COBL: variants seen among roughly 807,000 people sequenced by gnomAD.
COBL encodes cordon-bleu WH2 repeat protein.
Under a neutral mutation model 98.8 loss-of-function variants are expected in COBL, and 51 were observed. The observed-to-expected ratio is 0.52, with a 90% CI of 0.41 to 0.65. COBL has a LOEUF of 0.65. Among genes scored for constraint, COBL ranks in the 30% least tolerant of loss-of-function variants. COBL has a pLI of 0.00. For synonymous variants in COBL, 634 were observed against 651.7 expected (o/e 0.97, Z 0.41); for missense variants, 1,617 against 1,617.5 (o/e 1.00, Z 0.01).
At chr7:51,204,501 T>C (rs1791468007) in intron 2 of COBL, among the ~76,000 whole-genome samples, 1 of 150,696 alleles carries the variant, frequency 6.6e-6, no homozygotes, top group Non-Finnish European at 1.5e-5. Context: ...CCGTTAAAAG[T>C]AATAAACAAT....
chr7:51,285,508 T>G (rs1430790375), intron 1 of COBL, among the ~76,000 whole-genome samples: 2 of 152,166 alleles, frequency 1.3e-5, no homozygotes, highest in Non-Finnish European at 2.9e-5. Context: ...AATTAAAATT[T>G]TAAAATGCCA....
chr7:51,076,979 A>G, intron 7 of COBL, among the ~76,000 whole-genome samples: 1 of 152,236 alleles, frequency 6.6e-6, no homozygotes, highest in Non-Finnish European at 1.5e-5. Context: ...ACTTGTTAAT[A>G]ACCTAATTAT....
intron 5 of COBL, among the ~76,000 whole-genome samples, chr7:51,143,639 A>T (rs550002652): frequency 3.7e-4 from 57 of 152,334 alleles, no homozygotes; most frequent in Non-Finnish European, 7.2e-4. Context: ...CCACTACAGG[A>T]CACAGAAACA....
At chr7:51,297,806 G>A (rs1801560430) in intron 1 of COBL, among the ~76,000 whole-genome samples, 1 of 152,148 alleles carries the variant, frequency 6.6e-6, no homozygotes, top group South Asian at 2.1e-4. Flanking sequence ...GTGGGATTTG[G>A]TTATAAAAAG....
chr7:51,151,139 C>T (rs1785514866), intron 5 of COBL, among the ~76,000 whole-genome samples: 1 of 152,176 alleles, frequency 6.6e-6, no homozygotes, highest in Non-Finnish European at 1.5e-5. Context: ...ATCCTCGGCT[C>T]TTTCCCATAC....
chr7:51,065,599 C>A, intron 7 of COBL: 1 of 602,496 alleles, frequency 1.7e-6, no homozygotes, highest in Non-Finnish European at 3.0e-6. Context: ...GGGCCCAGGC[C>A]TCCAACAGGG....
chr7:51,025,062 T>G (rs775251275), intron 12 of COBL, 47 bp downstream of exon 12: 2 of 1,611,158 alleles, frequency 1.2e-6, no homozygotes, highest in Admixed American at 3.3e-5. Context: ...ACGCTGCACC[T>G]CCAACCCTCT....
chr7:51,262,406 A>G (rs1326478762), intron 1 of COBL, among the ~76,000 whole-genome samples: 1 of 152,256 alleles, frequency 6.6e-6, no homozygotes, highest in Admixed American at 6.5e-5. Flanking sequence ...TGTCAGAGTC[A>G]GAAGCTGAAG....
intron 1 of COBL, among the ~76,000 whole-genome samples, chr7:51,224,509 A>G (rs1793993718): frequency 6.6e-6 from 1 of 151,972 alleles, no homozygotes; most frequent in Non-Finnish European, 1.5e-5. Context: ...CAGAAATTTC[A>G]TATATGAGAA....
chr7:51,287,419 A>G (rs1800473013), intron 1 of COBL, among the ~76,000 whole-genome samples: 1 of 152,228 alleles, frequency 6.6e-6, no homozygotes, highest in African/African-American at 2.4e-5. Flanking sequence ...AATGCAAGTT[A>G]AAACCATGAT....
intron 5 of COBL, among the ~76,000 whole-genome samples, chr7:51,137,031 T>C (rs1799299765): frequency 6.6e-6 from 1 of 152,204 alleles, no homozygotes; most frequent in African/African-American, 2.4e-5. Flanking sequence ...GTCTGCTTAA[T>C]AGAATCATGT....
rs781522607 is a variant in COBL at position 51,030,884 on chromosome 7, T to C, written c.1432A>G (p.Asn478Asp). The C allele has an allele frequency of 1.2e-6, 2 of 1,612,906 alleles. No homozygotes were observed. Among genetic ancestry groups the C allele is most frequent in the African/African-American group, 1.3e-5 (1 of 74,978 alleles). Reference sequence around the variant, plus strand: ...GCAATTAATAGGTCTTCTTCATCATTTGAGGCTGTGACAGCTTTTTCAGTT... The same window carrying C: ...GCAATTAATAGGTCTTCTTCATCATCTGAGGCTGTGACAGCTTTTTCAGTT... ...LRTEKAVTAS[N>D]DEEDLLIAGE... Residue 478 changes from asparagine to aspartate, a missense_variant, in exon 9 of 13, where the codon AAT (asparagine) becomes GAT (aspartate). By Grantham distance (23) the Asn-to-Asp change is conservative (BLOSUM62 1). This residue lies in a region of COBL where 1,304 missense variants were observed against 1,282.0 expected (regional missense o/e 1.02). Transcript: ENST00000265136.
intron 7 of COBL, among the ~76,000 whole-genome samples, chr7:51,065,643 G>A (rs1388882127): frequency 6.6e-6 from 1 of 152,188 alleles, no homozygotes; most frequent in Non-Finnish European, 1.5e-5. Flanking sequence ...GGTCTCCCCT[G>A]TGCATCCACC....
intron 6 of COBL, among the ~76,000 whole-genome samples, chr7:51,090,920 T>C (rs1369693846): frequency 6.6e-6 from 1 of 152,082 alleles, no homozygotes; most frequent in Non-Finnish European, 1.5e-5. Flanking sequence ...GAGCACGAGA[T>C]TACAAGCTCA....
chr7:51,240,550 T>TA (rs1057105521), intron 1 of COBL, among the ~76,000 whole-genome samples: 1 of 149,632 alleles, frequency 6.7e-6, no homozygotes, highest in Non-Finnish European at 1.5e-5. Flanking sequence ...ATTTTTTTTT[T>TA]ATTTTATTTT....
At chr7:51,125,911 T>A (rs1163462325) in intron 6 of COBL, among the ~76,000 whole-genome samples, 2 of 152,240 alleles carry the variant, frequency 1.3e-5, no homozygotes, top group Admixed American at 1.3e-4. Context: ...TCCCAGTGAA[T>A]CTTTCCATTT....
At chr7:51,221,380 C>A (rs935744744) in intron 1 of COBL, among the ~76,000 whole-genome samples, 2 of 152,108 alleles carry the variant, frequency 1.3e-5, no homozygotes, top group Non-Finnish European at 2.9e-5. Flanking sequence ...ATGGTCATCA[C>A]GACATAAATT....
intron 1 of COBL, among the ~76,000 whole-genome samples, chr7:51,313,659 G>A: frequency 6.6e-6 from 1 of 152,182 alleles, no homozygotes; most frequent in East Asian, 1.9e-4. Flanking sequence ...AATTAAGCAT[G>A]GTCCTGCCAA....
chr7:51,211,791 C>T (rs1457826787), intron 2 of COBL, among the ~76,000 whole-genome samples: 1 of 152,212 alleles, frequency 6.6e-6, no homozygotes, highest in Non-Finnish European at 1.5e-5. Flanking sequence ...GTCTAGGGCT[C>T]TCCCTGGCCT....
Sources: gnomAD v4.1 joint callset for allele counts (sites outside exome capture counted in the v4.1 genomes callset) on GRCh38, gnomAD v4.1.1 for gene constraint, gnomAD v4.1.1 regional missense constraint, MANE v1.5 for transcripts, NCBI Gene and HGNC (gene_info 2026-07-23, HGNC 2026-07-21) for gene names.